Variants in FAM98B observed in about 807,000 individuals in gnomAD.
FAM98B encodes the protein tRNA-splicing ligase complex subunit FAM98B.
Under a neutral mutation model 43.9 loss-of-function variants are expected in FAM98B, and 32 were observed. That is an observed-to-expected ratio of 0.73 (90% CI 0.55 to 0.98). The LOEUF is 0.98. Among genes scored for constraint, FAM98B ranks in the 50% least tolerant of loss-of-function variants. The pLI, the probability that FAM98B is intolerant of heterozygous loss-of-function variation, is 0.00. For missense variants in FAM98B, 514 were observed against 522.9 expected (o/e 0.98, Z 0.17); for synonymous variants, 190 against 174.0 (o/e 1.09, Z -0.72).
At chr15:38,483,390 GGT>G (rs1890310090) in intron 7 of FAM98B, 2 of 152,056 alleles carry the variant, frequency 1.3e-5, no homozygotes, top group Non-Finnish European at 2.9e-5. Flanking sequence ...TTCTAGGCTG[GGT>G]GTGGTGGCTC....
rs199943588 is a variant in FAM98B at position 38,480,824 on chromosome 15, AT to A, written c.730-459del. On this transcript the variant is annotated intron_variant, in intron 6 of 7. Transcript: ENST00000397609. ...ATTGAGTTTCTGGATTTAACTTTAG[AT>A]TTTTTTTTCATTCTCTCAAAAACTA... 3.3e-5 allele frequency among the ~76,000 whole-genome samples: 5 copies of A among 151,438 alleles called. No individual in the cohort carries two copies. The East Asian group carries it at 7.7e-4, about 23-fold the overall frequency.
At chr15:38,457,957 C>CT (rs569455316) in intron 1 of FAM98B, among the ~76,000 whole-genome samples, 3,444 of 138,172 alleles carry the variant, frequency 0.025, 98 homozygotes, top group East Asian at 0.13. Context: ...AACAATCTTA[C>CT]TTTTTTTTTT....
chr15:38,474,199 CAAT>C lies in FAM98B; in HGVS notation c.631_633del (p.Asn211del). 1 of 1,612,728 alleles carries C rather than the reference CAAT, an allele frequency of 6.2e-7. No individual in the cohort carries two copies. Among genetic ancestry groups the C allele is most frequent in the Non-Finnish European group, 8.5e-7 (1 of 1,178,956 alleles). ...TTTTTTAGGAACAACTGGAAAGAATCAATGATGCTCTTTCCTGTGAATATGAGT... is the reference window on the plus strand; with the variant it reads ...TTTTTTAGGAACAACTGGAAAGAATCGATGCTCTTTCCTGTGAATATGAGT... On this transcript the variant is annotated inframe_deletion, in exon 6 of 8. Transcript: ENST00000397609.
chr15:38,483,362 T>C (rs1890309940), intron 7 of FAM98B: 1 of 152,082 alleles, frequency 6.6e-6, no homozygotes, highest in Non-Finnish European at 1.5e-5. Context: ...CTCTCTCAGA[T>C]TGTTTAAAAA....
At position 38,484,810 on chromosome 15, in the gene FAM98B, A is replaced by G. The variant is rs116868388; in HGVS notation, c.*151A>G. The G allele has an allele frequency of 0.014, 16,734 of 1,164,482 alleles. 164 individuals carry two copies. The highest frequency in any genetic ancestry group is 0.015 in the Non-Finnish European group (13,423 of 888,460). 72.1% of individuals were successfully genotyped at this position (1,164,482 alleles called of 1,614,324 possible). A position where few individuals can be genotyped will look rare whatever the true frequency, so the allele number is the denominator to read the frequency against. The stretch of plus-strand genomic sequence containing the variant: ...CTTGAATTGGTTAATATGTAAGAAC[A>G]TTGTTTTTTATTACCAGTTGATCTC... On this transcript the variant is annotated 3_prime_UTR_variant, in exon 8 of 8. Transcript: ENST00000397609.
Position 38,484,438 on chromosome 15 carries a change from G to C in FAM98B, c.1081G>C (p.Gly361Arg). ...GGGGGRGGWG[G>R]GGGGWGGGGG... ...TGGGGGTGGGAGAGGTGGCTGGGGG[G>C]GTGGAGGAGGAGGTTGGGGAGGTGG... The change falls in exon 8 of 8, where the codon GGT (glycine) becomes CGT (arginine). Residue 361 changes from glycine (G) to arginine (R), a missense_variant. Physicochemically the swap from Gly to Arg is moderately radical, Grantham distance 125 (BLOSUM62 -2). Around this residue, in one of 2 missense-constraint regions of FAM98B, gnomAD observed 469 missense variants for 451.8 expected, o/e 1.04. Coordinates refer to ENST00000397609, the MANE Select transcript of FAM98B (RefSeq NM_173611.4). 6 of 884,336 alleles carry C rather than the reference G, an allele frequency of 6.8e-6. No individual in the cohort carries two copies. The highest frequency in any genetic ancestry group is 9.2e-5 in the Admixed American group (1 of 10,830). The allele number at this position is 884,336 out of a possible 1,614,324, so 54.8% of individuals were successfully genotyped here. A position where few individuals can be genotyped will look rare whatever the true frequency, so the allele number is the denominator to read the frequency against.
Position 38,473,595 on chromosome 15 carries a change from C to G in FAM98B, c.612+10C>G, listed in dbSNP as rs751401448. 7 of 1,593,372 alleles carry G rather than the reference C, an allele frequency of 4.4e-6. No homozygotes were observed. The highest frequency in any genetic ancestry group is 1.4e-5 in the African/African-American group (1 of 74,026). ...AAATTCAGAACAGGCGGTAAATCCCCCTTTTTGTTATTAGTTTTATGTAAT... is the reference window on the plus strand; with the variant it reads ...AAATTCAGAACAGGCGGTAAATCCCGCTTTTTGTTATTAGTTTTATGTAAT... On this transcript the variant is annotated intron_variant, in intron 5 of 7. Transcript: ENST00000397609.
At position 38,486,315 on chromosome 15, in the gene FAM98B, A is replaced by G. The variant is rs1833815939; in HGVS notation, c.*1656A>G. The G allele has an allele frequency of 6.6e-6, 1 of 152,176 alleles. No individual in the cohort carries two copies. Among genetic ancestry groups the G allele is most frequent in the East Asian group, 1.9e-4 (1 of 5,200 alleles). The allele number at this position is 152,176 out of a possible 1,614,324, so 9.4% of individuals were successfully genotyped here. ...TAATTAAGAAAATACCTTTATCAGT[A>G]GCTATGAACTCTGAAAAATAATTTT... On this transcript the variant is annotated 3_prime_UTR_variant, in exon 8 of 8. Coordinates refer to ENST00000397609, the MANE Select transcript of FAM98B (RefSeq NM_173611.4).
chr15:38,465,695 A>G (rs1031391788), intron 3 of FAM98B, among the ~76,000 whole-genome samples: 3 of 152,130 alleles, frequency 2.0e-5, no homozygotes, highest in Non-Finnish European at 4.4e-5. Flanking sequence ...GTTCGTGACT[A>G]TATGGCTAAC....
intron 6 of FAM98B, among the ~76,000 whole-genome samples, chr15:38,478,754 G>GATT (rs1400962060): frequency 6.6e-6 from 1 of 152,078 alleles, no homozygotes; most frequent in Non-Finnish European, 1.5e-5. Context: ...CCTTCAAACA[G>GATT]ATTATAGTCA....
chr15:38,481,717 T>G, intron 7 of FAM98B: 1 of 1,081,458 alleles, frequency 9.2e-7, no homozygotes, highest in Non-Finnish European at 1.3e-6. Context: ...GCAAGAATTA[T>G]GTTCCATCTT....
chr15:38,481,905 G>A (rs1890292447), intron 7 of FAM98B: 1 of 239,820 alleles, frequency 4.2e-6, no homozygotes, highest in Admixed American at 5.1e-5. Flanking sequence ...GCAAGCTACT[G>A]AACTTCTTTG....
chr15:38,466,312 C>G (rs556868654), intron 3 of FAM98B, among the ~76,000 whole-genome samples: 1 of 151,912 alleles, frequency 6.6e-6, no homozygotes, highest in South Asian at 2.1e-4. Context: ...CCCAATACAC[C>G]ATTCTCCATC....
intron 2 of FAM98B, among the ~76,000 whole-genome samples, chr15:38,464,512 A>G (rs1316385952): frequency 1.3e-5 from 2 of 151,978 alleles, no homozygotes; most frequent in Non-Finnish European, 1.5e-5. Flanking sequence ...AATGGTGCTC[A>G]TGTTGAATTA....
At chr15:38,472,874 A>G (rs1166040307) in intron 4 of FAM98B, among the ~76,000 whole-genome samples, 1 of 152,160 alleles carries the variant, frequency 6.6e-6, no homozygotes, top group African/African-American at 2.4e-5. Context: ...AGGTAAATTA[A>G]TCCTTTAGTT....
chr15:38,476,678 A>T (rs1455188018), intron 6 of FAM98B, among the ~76,000 whole-genome samples: 2 of 145,182 alleles, frequency 1.4e-5, no homozygotes, highest in Non-Finnish European at 3.0e-5. Context: ...GTATGCTATC[A>T]TCTTGATTAA....
At chr15:38,471,800 G>T (rs1890134187) in intron 4 of FAM98B, among the ~76,000 whole-genome samples, 2 of 152,062 alleles carry the variant, frequency 1.3e-5, no homozygotes, top group South Asian at 2.1e-4. Context: ...ATTTATAGTG[G>T]TATAATTATA....
rs533144179 is a variant in FAM98B at position 38,487,206 on chromosome 15, T to C, written c.*2547T>C. 1 of 152,208 alleles carries C rather than the reference T, an allele frequency of 6.6e-6. No homozygotes were observed. The highest frequency in any genetic ancestry group is 2.1e-4 in the South Asian group (1 of 4,820). 9.4% of individuals were successfully genotyped at this position (152,208 alleles called of 1,614,324 possible). On this transcript the variant is annotated 3_prime_UTR_variant, in exon 8 of 8. Coordinates refer to ENST00000397609, the MANE Select transcript of FAM98B (RefSeq NM_173611.4). The stretch of plus-strand genomic sequence containing the variant: ...ATCAAAAGGGAAACAAGGGTTTTCT[T>C]TGAACTTACTTTTGTTTTGCAGATC...
intron 1 of FAM98B, among the ~76,000 whole-genome samples, chr15:38,461,140 TA>T (rs931470476): frequency 2.6e-5 from 4 of 152,172 alleles, no homozygotes; most frequent in African/African-American, 9.7e-5. Context: ...ACATTTCAGT[TA>T]AAAAAACTTA....
Sources: allele counts gnomAD v4.1 joint callset (sites outside exome capture counted in the v4.1 genomes callset), GRCh38; gene constraint gnomAD v4.1.1; regional missense constraint gnomAD v4.1.1; transcripts MANE v1.5; gene names NCBI Gene and HGNC (gene_info 2026-07-23, HGNC 2026-07-21).